The following DGKB variants were observed in gnomAD, a reference collection of about 807,000 sequenced individuals.
DGKB encodes the protein 90 kDa diacylglycerol kinase.
DGKB carries 67 observed loss-of-function variants against 114.3 expected under a neutral mutation model. That is an observed-to-expected ratio of 0.59 (90% CI 0.48 to 0.72). The LOEUF (loss-of-function observed/expected upper bound fraction) is 0.72, where lower values mean the gene tolerates loss of function less well. Ranked by LOEUF, DGKB falls within the 30% of genes least tolerant of loss-of-function variation. The probability of loss-of-function intolerance (pLI) is 0.00; values close to 1 mark genes in which losing one functional copy is unlikely to be tolerated. For synonymous variants in DGKB, 398 were observed against 323.1 expected (o/e 1.23, Z -2.49); for missense variants, 907 against 975.2 (o/e 0.93, Z 0.93).
chr7:14,534,607 C>A (rs979237765), intron 20 of DGKB, among the ~76,000 whole-genome samples: 1 of 151,878 alleles, frequency 6.6e-6, no homozygotes, highest in Non-Finnish European at 1.5e-5. Flanking sequence ...GATTTGAAGA[C>A]ACACATAGGC....
intron 23 of DGKB, among the ~76,000 whole-genome samples, chr7:14,247,567 T>C (rs1009378201): frequency 2.0e-5 from 3 of 152,152 alleles, no homozygotes; most frequent in African/African-American, 7.2e-5. Context: ...GATATCTCAT[T>C]GTGATTTTGA....
intron 1 of DGKB, among the ~76,000 whole-genome samples, chr7:14,970,688 T>C (rs1787413631): frequency 6.6e-6 from 1 of 152,150 alleles, no homozygotes; most frequent in Non-Finnish European, 1.5e-5. Flanking sequence ...CTAAAGTGAA[T>C]GATTGCCTTT....
intron 21 of DGKB, among the ~76,000 whole-genome samples, chr7:14,415,104 T>C (rs914962817): frequency 4.0e-5 from 6 of 151,778 alleles, no homozygotes; most frequent in Admixed American, 4.0e-4. Context: ...TATGAAATAA[T>C]GAATATATAA....
At chr7:14,855,084 T>C (rs1368966475) in intron 1 of DGKB, among the ~76,000 whole-genome samples, 2 of 152,168 alleles carry the variant, frequency 1.3e-5, no homozygotes, top group African/African-American at 2.4e-5. Flanking sequence ...AGAAATAAAT[T>C]ACTCCTTTTT....
chr7:14,722,019 A>G (rs1368173638), intron 5 of DGKB, among the ~76,000 whole-genome samples: 1 of 152,164 alleles, frequency 6.6e-6, no homozygotes, highest in African/African-American at 2.4e-5. Flanking sequence ...TTATAAAGTT[A>G]TTACCCACTA....
chr7:14,342,721 T>C (rs17150056), intron 22 of DGKB, among the ~76,000 whole-genome samples: 18,187 of 151,884 alleles, frequency 0.12, 1,393 homozygotes, highest in East Asian at 0.18. Flanking sequence ...CTAAATCAAA[T>C]AATATATGTG....
intron 1 of DGKB, among the ~76,000 whole-genome samples, chr7:14,889,803 A>G (rs761931783): frequency 2.6e-5 from 4 of 151,588 alleles, no homozygotes; most frequent in Non-Finnish European, 4.4e-5. Context: ...TCTGAACAGC[A>G]TAAGATAGGG....
intron 20 of DGKB, among the ~76,000 whole-genome samples, chr7:14,554,719 T>C (rs539089508): frequency 6.6e-6 from 1 of 152,218 alleles, no homozygotes; most frequent in Non-Finnish European, 1.5e-5. Flanking sequence ...CATCAGTCTT[T>C]GTAATTTTGA....
intron 1 of DGKB, among the ~76,000 whole-genome samples, chr7:14,911,591 G>A (rs555921380): frequency 6.6e-6 from 1 of 152,014 alleles, no homozygotes; most frequent in Non-Finnish European, 1.5e-5. Context: ...ACAAATTCAG[G>A]AACTGTTGAT....
intron 6 of DGKB, among the ~76,000 whole-genome samples, chr7:14,704,153 C>T (rs1057029366): frequency 1.3e-5 from 2 of 151,690 alleles, no homozygotes; most frequent in African/African-American, 2.4e-5. Context: ...AAATGTTTGC[C>T]GGCCGGGCGC....
chr7:14,345,394 G>C lies in DGKB; in HGVS notation c.1836-3C>G. 6.6e-7 allele frequency: 1 copy of C among 1,505,750 alleles called. No individual in the cohort carries two copies. Among genetic ancestry groups the C allele is most frequent in the Non-Finnish European group, 9.0e-7 (1 of 1,113,088 alleles). 93.3% of individuals were successfully genotyped at this position (1,505,750 alleles called of 1,614,324 possible). A position where few individuals can be genotyped will look rare whatever the true frequency, so the allele number is the denominator to read the frequency against. On this transcript the variant is annotated splice_polypyrimidine_tract_variant and splice_region_variant and intron_variant, in intron 21 of 25. Transcript: ENST00000402815. The stretch of plus-strand genomic sequence containing the variant: ...AATACCAAAATTTGTTCTTCATTCT[G>C]AAAAAGAAAAGGAAGAAGCACCTTA...
intron 1 of DGKB, among the ~76,000 whole-genome samples, chr7:14,956,539 C>T (rs890964977): frequency 3.9e-5 from 6 of 151,932 alleles, no homozygotes; most frequent in African/African-American, 1.4e-4. Flanking sequence ...TGAAAATGAA[C>T]TGCTAATTAA....
Position 14,751,276 on chromosome 7 carries a change from A to G in DGKB, c.168+2652T>C, listed in dbSNP as rs755558418. 2.6e-4 allele frequency among the ~76,000 whole-genome samples: 40 copies of G among 152,198 alleles called. 1 individual carries two copies. The highest frequency in any genetic ancestry group is 2.4e-3 in the Admixed American group (36 of 15,274). Reference sequence around the variant, plus strand: ...GCATTAGTTTTTAACTTCTATATCAATTGTTTAATAAATGTTATTAAAGAA... The same window carrying G: ...GCATTAGTTTTTAACTTCTATATCAGTTGTTTAATAAATGTTATTAAAGAA... On this transcript the variant is annotated intron_variant, in intron 4 of 25. Coordinates refer to ENST00000402815, the MANE Select transcript of DGKB (RefSeq NM_001350709.2).
At chr7:14,685,626 G>A (rs887429546) in intron 9 of DGKB, among the ~76,000 whole-genome samples, 11 of 152,110 alleles carry the variant, frequency 7.2e-5, no homozygotes, top group African/African-American at 2.7e-4. Context: ...CCAAGCCATC[G>A]TCATGACCTG....
At chr7:14,543,412 T>C (rs1375017180) in intron 20 of DGKB, among the ~76,000 whole-genome samples, 2 of 151,466 alleles carry the variant, frequency 1.3e-5, no homozygotes, top group Middle Eastern at 6.4e-3. Flanking sequence ...ACCACTGCAC[T>C]CCAGCGTGGA....
At position 14,153,744 on chromosome 7, in the gene DGKB, G is replaced by A. The variant is rs888900626; in HGVS notation, c.2305-4506C>T. On this transcript the variant is annotated intron_variant, in intron 25 of 25. Transcript: ENST00000402815. ...AAGGGATAAAAAGAAGATTCTAAATGTCCTCAGAGAGAAAAAAAAATAGGT... is the reference window on the plus strand; with the variant it reads ...AAGGGATAAAAAGAAGATTCTAAATATCCTCAGAGAGAAAAAAAAATAGGT... Among the ~76,000 whole-genome samples the A allele has an allele frequency of 7.9e-5, 12 of 151,870 alleles. No homozygotes were observed. The South Asian group carries it at 8.3e-4, about 10-fold the overall frequency.
intron 21 of DGKB, among the ~76,000 whole-genome samples, chr7:14,457,440 T>G (rs1832440393): frequency 1.3e-5 from 2 of 152,314 alleles, no homozygotes; most frequent in South Asian, 4.1e-4. Context: ...TGCTTGCATT[T>G]TGGAAACTTT....
At chr7:14,885,635 A>G (rs1013296997) in intron 1 of DGKB, among the ~76,000 whole-genome samples, 4 of 151,944 alleles carry the variant, frequency 2.6e-5, no homozygotes, top group Non-Finnish European at 4.4e-5. Context: ...AAATTATTCT[A>G]TTATTAATAG....
chr7:14,757,054 T>G (rs554606527), intron 3 of DGKB, among the ~76,000 whole-genome samples: 12 of 152,072 alleles, frequency 7.9e-5, no homozygotes, highest in Admixed American at 6.6e-5. Flanking sequence ...AAAGAAATCT[T>G]AAGCTTACTG....
Sources: gnomAD v4.1 joint callset for allele counts (sites outside exome capture counted in the v4.1 genomes callset) on GRCh38, gnomAD v4.1.1 for gene constraint, MANE v1.5 for transcripts, NCBI Gene and HGNC (gene_info 2026-07-23, HGNC 2026-07-21) for gene names.